Variants in SRSF4 observed in about 807,000 individuals in gnomAD.
The protein encoded by SRSF4 is serine and arginine rich splicing factor 4, also known as serine/arginine-rich splicing factor 4.
A neutral mutation model predicts 48.8 loss-of-function variants in SRSF4; 12 were observed. That is an observed-to-expected ratio of 0.25 (90% CI 0.16 to 0.40). The LOEUF is 0.40. SRSF4 is among the 10% of genes least tolerant of loss of function. The pLI, the probability that SRSF4 is intolerant of heterozygous loss-of-function variation, is 1.00. For synonymous variants in SRSF4, 248 were observed against 232.5 expected (o/e 1.07, Z -0.61); for missense variants, 466 against 667.1 (o/e 0.70, Z 3.32).
intron 3 of SRSF4, among the ~76,000 whole-genome samples, chr1:29,156,019 C>T (rs116091072): frequency 3.3e-5 from 5 of 152,170 alleles, no homozygotes; most frequent in Non-Finnish European, 7.4e-5. Flanking sequence ...GCTGACAGAG[C>T]GGGACTCCAT....
intron 3 of SRSF4, among the ~76,000 whole-genome samples, chr1:29,155,427 C>A (rs947059885): frequency 1.3e-5 from 2 of 151,950 alleles, no homozygotes; most frequent in African/African-American, 2.4e-5. Context: ...CAAGACCCTA[C>A]CTCAAAACAA....
rs932019707 is a variant in SRSF4 at position 29,181,830 on chromosome 1, A to G, written c.-78T>C. 2 of 1,247,904 alleles carry G rather than the reference A, an allele frequency of 1.6e-6. No homozygotes were observed. Among genetic ancestry groups the G allele is most frequent in the East Asian group, 3.1e-5 (1 of 32,596 alleles). The allele number at this position is 1,247,904 out of a possible 1,614,324, so 77.3% of individuals were successfully genotyped here. On this transcript the variant is annotated 5_prime_UTR_variant, in exon 1 of 6. Transcript: ENST00000373795. ...GCGGGCAAAGCGAGAGCACGGCGGC[A>G]GCGGCGGCGGCGGCAACGGGCGGGC... is the stretch of plus-strand genomic sequence containing the variant.
chr1:29,161,535 G>A (rs10915234), intron 1 of SRSF4, among the ~76,000 whole-genome samples: 17,527 of 152,184 alleles, frequency 0.12, 1,370 homozygotes, highest in East Asian at 0.41. Context: ...CTACAAACAA[G>A]TTACAAGACT....
intron 3 of SRSF4, among the ~76,000 whole-genome samples, chr1:29,156,829 G>C (rs1047440088): frequency 2.0e-5 from 3 of 152,194 alleles, no homozygotes; most frequent in African/African-American, 7.2e-5. Flanking sequence ...AAGAGTGGGG[G>C]CCAGGGGGCC....
intron 4 of SRSF4, among the ~76,000 whole-genome samples, chr1:29,152,641 G>A (rs1187192789): frequency 2.0e-5 from 3 of 151,972 alleles, no homozygotes; most frequent in Non-Finnish European, 2.9e-5. Flanking sequence ...TTTTCTCGAC[G>A]GGCACGGTGG....
chr1:29,157,389 C>T lies in SRSF4; in HGVS notation c.363+1985G>A, dbSNP rs151253986. ...TATTACATTTAGTGGCACTACATGA[C>T]GAGTTAGCATTCTACTGATGAAGAG... is the stretch of plus-strand genomic sequence containing the variant. On this transcript the variant is annotated intron_variant, in intron 3 of 5. Transcript: ENST00000373795. Among the ~76,000 whole-genome samples, 109 of 152,244 alleles carry T rather than the reference C, an allele frequency of 7.2e-4. 1 individual carries two copies. In the East Asian group the frequency reaches 8.3e-3, roughly 12 times the overall value.
At chr1:29,164,398 T>C (rs925412965) in intron 1 of SRSF4, among the ~76,000 whole-genome samples, 3 of 152,254 alleles carry the variant, frequency 2.0e-5, no homozygotes, top group African/African-American at 7.2e-5. Flanking sequence ...CCCTTTGTGC[T>C]TTGCAGCAAG....
intron 1 of SRSF4, among the ~76,000 whole-genome samples, chr1:29,164,627 C>G (rs1672643741): frequency 6.6e-6 from 1 of 152,190 alleles, no homozygotes; most frequent in Non-Finnish European, 1.5e-5. Context: ...GAAATCCTTC[C>G]TCTTCTGCTC....
intron 1 of SRSF4, chr1:29,168,673 G>T (rs1672701733): frequency 6.6e-6 from 1 of 152,156 alleles, no homozygotes; most frequent in Non-Finnish European, 1.5e-5. Flanking sequence ...ATTATTCTGT[G>T]CAATCCCCAT....
At chr1:29,170,622 TTAAG>T (rs1446905480) in intron 1 of SRSF4, 1 of 152,232 alleles carries the variant, frequency 6.6e-6, no homozygotes, top group Non-Finnish European at 1.5e-5. Context: ...ATGCCACTAA[TTAAG>T]TATTTTAATG....
At chr1:29,176,702 G>C (rs547976) in intron 1 of SRSF4, among the ~76,000 whole-genome samples, 10 of 151,862 alleles carry the variant, frequency 6.6e-5, no homozygotes, top group African/African-American at 2.2e-4. Context: ...ACACAACAAC[G>C]ACCTGCCTCA....
In SRSF4 at chr1:29,159,362, T is replaced by C. The variant is rs760263498; in HGVS notation, c.363+12A>G. 25 of 1,600,628 alleles carry C rather than the reference T, an allele frequency of 1.6e-5. No individual in the cohort carries two copies. The highest frequency in any genetic ancestry group is 1.7e-4 in the Middle Eastern group (1 of 6,038). On this transcript the variant is annotated intron_variant, in intron 3 of 5. Coordinates refer to ENST00000373795, the MANE Select transcript of SRSF4 (RefSeq NM_005626.5). Reference sequence around the variant, plus strand: ...GCCCAACCTTACCCCAAAAGGTTAATGGGGCCCAAACCTTTAGGTCTTGCC... The same window carrying C: ...GCCCAACCTTACCCCAAAAGGTTAACGGGGCCCAAACCTTTAGGTCTTGCC...
chr1:29,148,384 G>A lies in SRSF4; in HGVS notation c.*26C>T. ...CAAACATGTACAAAAGACTTCTCGG[G>A]TAGTTCCAGCTGTGGCCATAGCCAG... On this transcript the variant is annotated 3_prime_UTR_variant, in exon 6 of 6. Transcript: ENST00000373795. The A allele has an allele frequency of 6.4e-7, 1 of 1,563,254 alleles. No homozygotes were observed. Among genetic ancestry groups the A allele is most frequent in the Non-Finnish European group, 8.7e-7 (1 of 1,155,540 alleles).
At chr1:29,167,776 T>C (rs530099572) in intron 1 of SRSF4, among the ~76,000 whole-genome samples, 1 of 152,358 alleles carries the variant, frequency 6.6e-6, no homozygotes, top group African/African-American at 2.4e-5. Flanking sequence ...AAGGCTAATA[T>C]CTGTTGGCTA....
At chr1:29,175,694 C>CAAA (rs60942124) in intron 1 of SRSF4, among the ~76,000 whole-genome samples, 5,295 of 38,404 alleles carry the variant, frequency 0.14, 1,351 homozygotes, top group Non-Finnish European at 0.16. Context: ...GACGCTGTCT[C>CAAA]AAAAAAAAAA....
chr1:29,177,668 A>T (rs1672890609), intron 1 of SRSF4, among the ~76,000 whole-genome samples: 1 of 152,034 alleles, frequency 6.6e-6, no homozygotes, highest in African/African-American at 2.4e-5. Context: ...ATCCTGGGAG[A>T]TCTTCGTTGT....
chr1:29,171,836 A>G (rs993608478), intron 1 of SRSF4: 52 of 152,208 alleles, frequency 3.4e-4, no homozygotes, highest in Admixed American at 3.4e-3. Flanking sequence ...AAATTCATAC[A>G]GTACCTCAAT....
At position 29,181,878 on chromosome 1, in the gene SRSF4, C is replaced by G; in HGVS notation, c.-126G>C. 3 of 682,198 alleles carry G rather than the reference C, an allele frequency of 4.4e-6. No homozygotes were observed. Among genetic ancestry groups the G allele is most frequent in the South Asian group, 6.8e-5 (2 of 29,422 alleles). The allele number at this position is 682,198 out of a possible 1,614,324, so 42.3% of individuals were successfully genotyped here. ...GGCGGCGGGACGGACGCAGCCGAAC[C>G]CCGGCGACGTACGCGAGCACGCAGC... is the stretch of plus-strand genomic sequence containing the variant. On this transcript the variant is annotated 5_prime_UTR_variant, in exon 1 of 6. Transcript: ENST00000373795.
At position 29,148,366 on chromosome 1, in the gene SRSF4, G is replaced by A; in HGVS notation, c.*44C>T. ...CACTTGTGCTACGGCTACCAAACAT[G>A]TACAAAAGACTTCTCGGGTAGTTCC... On this transcript the variant is annotated 3_prime_UTR_variant, in exon 6 of 6. Coordinates refer to ENST00000373795, the MANE Select transcript of SRSF4 (RefSeq NM_005626.5). 5.8e-6 allele frequency: 9 copies of A among 1,556,800 alleles called. No individual in the cohort carries two copies. Among genetic ancestry groups the A allele is most frequent in the South Asian group, 5.0e-5 (4 of 80,340 alleles).
Sources: allele counts gnomAD v4.1 joint callset (sites outside exome capture counted in the v4.1 genomes callset), GRCh38; gene constraint gnomAD v4.1.1; transcripts MANE v1.5; gene names NCBI Gene and HGNC (gene_info 2026-07-23, HGNC 2026-07-21).